The following ARID5B variants were observed in gnomAD, a reference collection of about 807,000 sequenced individuals.
ARID5B encodes AT-rich interactive domain-containing protein 5B.
Under a neutral mutation model 97.2 loss-of-function variants are expected in ARID5B, and 13 were observed. That is an observed-to-expected ratio of 0.13 (90% CI 0.09 to 0.21). The LOEUF (loss-of-function observed/expected upper bound fraction) is 0.21. Ranked by LOEUF, ARID5B falls within the 10% of genes least tolerant of loss-of-function variation. ARID5B has a pLI of 1.00. For synonymous variants in ARID5B, 556 were observed against 570.3 expected (o/e 0.97, Z 0.36); for missense variants, 1,210 against 1,465.3 (o/e 0.83, Z 2.84).
At chr10:62,058,476 A>G (rs961718212) in intron 6 of ARID5B, among the ~76,000 whole-genome samples, 3 of 152,164 alleles carry the variant, frequency 2.0e-5, no homozygotes, top group Admixed American at 2.0e-4. Context: ...GTCCCATTCC[A>G]TGGTGTTTGG....
At chr10:61,996,124 A>G (rs1189899593) in intron 3 of ARID5B, among the ~76,000 whole-genome samples, 2 of 152,166 alleles carry the variant, frequency 1.3e-5, no homozygotes, top group Non-Finnish European at 2.9e-5. Context: ...TCACATGCAT[A>G]GAAAGTAGAA....
At position 62,034,461 on chromosome 10, in the gene ARID5B, C is replaced by T. The variant is rs1327444854; in HGVS notation, c.734-16427C>T. ...AAAATATTGCATGTATATATTTAAC[C>T]GCAGCTGACATGTTTAGCTAATGGG... On this transcript the variant is annotated intron_variant, in intron 4 of 9. Coordinates refer to ENST00000279873, the MANE Select transcript of ARID5B (RefSeq NM_032199.3). 2.6e-5 allele frequency among the ~76,000 whole-genome samples: 4 copies of T among 152,150 alleles called. No homozygotes were observed. In the South Asian group the frequency reaches 6.2e-4, roughly 24 times the overall value.
intron 2 of ARID5B, among the ~76,000 whole-genome samples, chr10:61,938,175 G>T (rs1254611855): frequency 1.3e-5 from 2 of 152,186 alleles, no homozygotes; most frequent in Admixed American, 1.3e-4. Flanking sequence ...ACATCATAAG[G>T]ATAGTATTTT....
rs145581234 is a variant in ARID5B at position 61,955,259 on chromosome 10, A to G, written c.502+14851A>G. Reference sequence around the variant, plus strand: ...CTGCTTTGGACCTCCATACCAACACATGCTTCTATGCTCACGCAGAAAGGG... The same window carrying G: ...CTGCTTTGGACCTCCATACCAACACGTGCTTCTATGCTCACGCAGAAAGGG... On this transcript the variant is annotated intron_variant, in intron 3 of 9. Coordinates refer to ENST00000279873, the MANE Select transcript of ARID5B (RefSeq NM_032199.3). Among the ~76,000 whole-genome samples, 368 of 152,306 alleles carry G rather than the reference A, an allele frequency of 2.4e-3. 3 individuals carry two copies. Among genetic ancestry groups the G allele is most frequent in the African/African-American group, 8.4e-3 (348 of 41,562 alleles).
intron 5 of ARID5B, among the ~76,000 whole-genome samples, chr10:62,053,431 C>T (rs979659576): frequency 6.6e-6 from 1 of 152,186 alleles, no homozygotes; most frequent in Non-Finnish European, 1.5e-5. Flanking sequence ...ACCAGCTTTG[C>T]AAGACCATGT....
At chr10:61,959,770 T>G (rs1838443869) in intron 3 of ARID5B, among the ~76,000 whole-genome samples, 1 of 152,206 alleles carries the variant, frequency 6.6e-6, no homozygotes, top group South Asian at 2.1e-4. Context: ...TACTGTATTT[T>G]CCTAATAGTT....
At chr10:62,048,029 T>G (rs549394749) in intron 4 of ARID5B, among the ~76,000 whole-genome samples, 17 of 152,204 alleles carry the variant, frequency 1.1e-4, no homozygotes, top group Non-Finnish European at 2.4e-4. Flanking sequence ...CAAAGGCCTT[T>G]GGTTTCCTGT....
At chr10:62,038,049 A>G (rs1015318607) in intron 4 of ARID5B, among the ~76,000 whole-genome samples, 3 of 152,220 alleles carry the variant, frequency 2.0e-5, no homozygotes, top group African/African-American at 7.2e-5. Flanking sequence ...GATTTAAAAA[A>G]GTAGTTTATG....
chr10:62,075,972 C>A (rs1034388652), intron 8 of ARID5B, among the ~76,000 whole-genome samples: 1 of 152,240 alleles, frequency 6.6e-6, no homozygotes, highest in Admixed American at 6.5e-5. Flanking sequence ...GCAGAGAGCA[C>A]TCTCAGGGGT....
At chr10:62,030,302 G>C (rs750237196) in intron 4 of ARID5B, among the ~76,000 whole-genome samples, 20 of 151,962 alleles carry the variant, frequency 1.3e-4, no homozygotes, top group Non-Finnish European at 2.4e-4. Context: ...GCTAATTTTT[G>C]TATTTTTAGT....
intron 9 of ARID5B, among the ~76,000 whole-genome samples, chr10:62,088,797 A>G (rs1216861531): frequency 1.3e-5 from 2 of 152,194 alleles, no homozygotes; most frequent in Admixed American, 6.5e-5. Flanking sequence ...TGTTTTCAAT[A>G]TGAAGCGGTG....
intron 4 of ARID5B, among the ~76,000 whole-genome samples, chr10:62,010,930 A>G (rs949545304): frequency 1.3e-5 from 2 of 152,334 alleles, no homozygotes; most frequent in South Asian, 2.1e-4. Flanking sequence ...ATGTGGCTCT[A>G]TGGGTCAGGA....
chr10:61,940,466 T>C, intron 3 of ARID5B, 58 bp downstream of exon 3: 1 of 1,436,820 alleles, frequency 7.0e-7, no homozygotes, highest in South Asian at 1.3e-5. Flanking sequence ...AACTTTTCGG[T>C]TGAAGATTTT....
At chr10:62,032,513 G>A (rs1159266492) in intron 4 of ARID5B, among the ~76,000 whole-genome samples, 6 of 152,104 alleles carry the variant, frequency 3.9e-5, no homozygotes, top group Middle Eastern at 3.2e-3. Context: ...TCAAGAGTTT[G>A]AGACCAGCCT....
chr10:61,904,577 A>G (rs1843676499), intron 2 of ARID5B, among the ~76,000 whole-genome samples: 1 of 152,226 alleles, frequency 6.6e-6, no homozygotes, highest in African/African-American at 2.4e-5. Context: ...ATTTAAAAGT[A>G]AACTCTAGGG....
At chr10:61,953,972 A>G (rs1838357448) in intron 3 of ARID5B, among the ~76,000 whole-genome samples, 1 of 152,242 alleles carries the variant, frequency 6.6e-6, no homozygotes, top group Non-Finnish European at 1.5e-5. Flanking sequence ...CACTTGAGTT[A>G]TCTATTATAA....
chr10:62,081,481 T>C (rs1481046277), intron 8 of ARID5B, among the ~76,000 whole-genome samples: 1 of 152,206 alleles, frequency 6.6e-6, no homozygotes, highest in Non-Finnish European at 1.5e-5. Flanking sequence ...TCAGATGAGA[T>C]TTGACATTAT....
intron 3 of ARID5B, among the ~76,000 whole-genome samples, chr10:61,974,059 T>A (rs1258012490): frequency 6.6e-6 from 1 of 152,240 alleles, no homozygotes; most frequent in African/African-American, 2.4e-5. Context: ...TTGGCTTTAC[T>A]CTTTAACATA....
chr10:62,057,587 T>A (rs1839873039), intron 6 of ARID5B, among the ~76,000 whole-genome samples: 1 of 152,206 alleles, frequency 6.6e-6, no homozygotes, highest in African/African-American at 2.4e-5. Context: ...AGTTTCTCAT[T>A]TGCTGTTTTG....
Sources: allele counts gnomAD v4.1 joint callset (sites outside exome capture counted in the v4.1 genomes callset), GRCh38; gene constraint gnomAD v4.1.1; transcripts MANE v1.5; gene names NCBI Gene and HGNC (gene_info 2026-07-23, HGNC 2026-07-21).